The following CTNNA3 variants were observed in gnomAD, a reference collection of about 807,000 sequenced individuals.
CTNNA3 encodes catenin alpha 3.
CTNNA3 carries 76 observed loss-of-function variants against 95.7 expected under a neutral mutation model. The ratio of observed to expected loss-of-function variants is 0.79; its 90% CI spans 0.66 to 0.96. CTNNA3 has a LOEUF of 0.96. CTNNA3 is among the 40% of genes least tolerant of loss of function. The pLI, the probability that CTNNA3 is intolerant of heterozygous loss-of-function variation, is 0.00. For missense variants in CTNNA3, 1,191 were observed against 1,089.8 expected, an observed-to-expected ratio of 1.09 and a Z score of -1.31; for synonymous variants, 431 against 374.4, an observed-to-expected ratio of 1.15 and a Z score of -1.74.
At chr10:67,323,341 T>G (rs569886078) in intron 5 of CTNNA3, among the ~76,000 whole-genome samples, 2 of 152,210 alleles carry the variant, frequency 1.3e-5, no homozygotes, top group African/African-American at 4.8e-5. Context: ...AGGGTTTTTA[T>G]AGTTTTTGGT....
At chr10:66,928,586 C>T in intron 7 of CTNNA3, 1 of 772,616 alleles carries the variant, frequency 1.3e-6, no homozygotes, top group Non-Finnish European at 2.0e-6. Context: ...CTGGCAAGAT[C>T]CTTCCTTGTC....
chr10:65,966,366 C>T (rs1304565189), intron 17 of CTNNA3, among the ~76,000 whole-genome samples: 1 of 152,136 alleles, frequency 6.6e-6, no homozygotes, highest in Admixed American at 6.6e-5. Context: ...ATCCAATTGG[C>T]TTATAAAACT....
rs1444875125 is a variant in CTNNA3, at chr10:67,083,193, C to T, written c.1047+97124G>A. ...GAGAAAAAAAAAAACTTCCTTTATT[C>T]GAAACCACATTGCTAATGTCCTCAA... On this transcript the variant is annotated intron_variant, in intron 7 of 17. Coordinates refer to ENST00000433211, the MANE Select transcript of CTNNA3 (RefSeq NM_013266.4). 4.6e-5 allele frequency among the ~76,000 whole-genome samples: 7 copies of T among 152,100 alleles called. No homozygotes were observed. In the South Asian group the frequency reaches 6.2e-4, roughly 14 times the overall value.
chr10:65,985,789 G>A (rs1050750516), intron 16 of CTNNA3, among the ~76,000 whole-genome samples: 1 of 151,404 alleles, frequency 6.6e-6, no homozygotes, highest in African/African-American at 2.4e-5. Flanking sequence ...CATTAGCTAA[G>A]AGAAAGAAAT....
chr10:66,782,737 A>G (rs1840589697), intron 7 of CTNNA3, among the ~76,000 whole-genome samples: 1 of 152,166 alleles, frequency 6.6e-6, no homozygotes, highest in Non-Finnish European at 1.5e-5. Context: ...TTCAAGCTAT[A>G]TTATTAATAC....
intron 1 of CTNNA3, among the ~76,000 whole-genome samples, chr10:67,658,714 G>A (rs564358370): frequency 6.6e-6 from 1 of 152,244 alleles, no homozygotes; most frequent in Admixed American, 6.5e-5. Context: ...TATGCCCCAG[G>A]GTTAGGGCTA....
chr10:67,760,124 T>C (rs914329049), intron 1 of CTNNA3, among the ~76,000 whole-genome samples: 22 of 152,054 alleles, frequency 1.4e-4, no homozygotes, highest in African/African-American at 4.1e-4. Flanking sequence ...GATTGACAGA[T>C]AAAGTAAAGT....
intron 6 of CTNNA3, among the ~76,000 whole-genome samples, chr10:67,204,811 G>T (rs1297103416): frequency 6.6e-6 from 1 of 150,890 alleles, no homozygotes; most frequent in Non-Finnish European, 1.5e-5. Flanking sequence ...AAAATTCAGA[G>T]GCTAGGGTTT....
chr10:67,703,195 G>T (rs1168517513), intron 1 of CTNNA3, among the ~76,000 whole-genome samples: 2 of 152,124 alleles, frequency 1.3e-5, no homozygotes, highest in African/African-American at 4.8e-5. Context: ...TCTACCAGAG[G>T]TACAAACAGG....
At chr10:67,490,736 T>C (rs192934304) in intron 5 of CTNNA3, among the ~76,000 whole-genome samples, 2 of 152,094 alleles carry the variant, frequency 1.3e-5, no homozygotes, top group Non-Finnish European at 2.9e-5. Flanking sequence ...GATCAGAGCC[T>C]ACTAGAAGGA....
intron 2 of CTNNA3, among the ~76,000 whole-genome samples, chr10:67,642,814 A>G (rs1589525185): frequency 6.6e-6 from 1 of 152,170 alleles, no homozygotes; most frequent in Non-Finnish European, 1.5e-5. Context: ...TAAAAAGTCA[A>G]AAAACAACAG....
chr10:67,426,303 G>A (rs1845920644), intron 5 of CTNNA3, among the ~76,000 whole-genome samples: 1 of 152,062 alleles, frequency 6.6e-6, no homozygotes, highest in Non-Finnish European at 1.5e-5. Flanking sequence ...TATGGTGGTA[G>A]CAAGAAAGAT....
Position 66,479,978 on chromosome 10 carries a change from A to C in CTNNA3, c.1531+40639T>G, listed in dbSNP as rs191732382. Among the ~76,000 whole-genome samples the C allele has an allele frequency of 3.2e-3, 484 of 151,442 alleles. 1 individual carries two copies. Among genetic ancestry groups the C allele is most frequent in the African/African-American group, 8.8e-3 (361 of 41,222 alleles). On this transcript the variant is annotated intron_variant, in intron 11 of 17. Transcript: ENST00000433211. ...CACACACACACACACACACACACAC[A>C]CCCCAGAACTTTCAACTCAGCCCAG...
intron 5 of CTNNA3, among the ~76,000 whole-genome samples, chr10:67,343,420 T>C (rs1842293428): frequency 6.6e-6 from 1 of 152,196 alleles, no homozygotes. Context: ...TGGTGTCTTC[T>C]TCTATTTCTT....
chr10:67,443,525 T>C (rs2132940084), intron 5 of CTNNA3, among the ~76,000 whole-genome samples: 1 of 152,326 alleles, frequency 6.6e-6, no homozygotes, highest in Non-Finnish European at 1.5e-5. Flanking sequence ...GTGGTTTTGA[T>C]TTGCATTTCT....
intron 15 of CTNNA3, among the ~76,000 whole-genome samples, chr10:66,002,267 C>T (rs1281794883): frequency 1.3e-5 from 2 of 152,112 alleles, no homozygotes; most frequent in South Asian, 4.1e-4. Context: ...CAAATTTCTC[C>T]CTCTGGGTGT....
chr10:67,016,439 C>T (rs1852662995), intron 7 of CTNNA3, among the ~76,000 whole-genome samples: 1 of 152,162 alleles, frequency 6.6e-6, no homozygotes, highest in Admixed American at 6.5e-5. Context: ...CAGCAGTGTA[C>T]CACCTACTTC....
chr10:66,816,349 C>T (rs1450832021), intron 7 of CTNNA3, among the ~76,000 whole-genome samples: 1 of 152,004 alleles, frequency 6.6e-6, no homozygotes, highest in East Asian at 1.9e-4. Flanking sequence ...TCAGTATTCA[C>T]ATGAAATGTA....
At chr10:67,726,589 AATATT>A (rs1196286432) in intron 1 of CTNNA3, among the ~76,000 whole-genome samples, 2 of 67,024 alleles carry the variant, frequency 3.0e-5, no homozygotes, top group African/African-American at 8.0e-5. Context: ...TATAATATGT[AATATT>A]ATATTACATA....
Sources: gnomAD v4.1 joint callset for allele counts (sites outside exome capture counted in the v4.1 genomes callset) on GRCh38, gnomAD v4.1.1 for gene constraint, MANE v1.5 for transcripts, NCBI Gene and HGNC (gene_info 2026-07-23, HGNC 2026-07-21) for gene names.